The following TECTA variants were observed in gnomAD, a reference collection of about 807,000 sequenced individuals.
TECTA encodes alpha-tectorin.
A neutral mutation model predicts 216.8 loss-of-function variants in TECTA; 128 were observed. That is an observed-to-expected ratio of 0.59 (90% CI 0.51 to 0.68). The LOEUF is 0.68. Ranked by LOEUF, TECTA falls within the 30% of genes least tolerant of loss-of-function variation. TECTA has a pLI of 0.00. For missense variants in TECTA, 2,551 were observed against 2,786.2 expected (o/e 0.92, Z 1.90); for synonymous variants, 1,089 against 1,117.1 (o/e 0.97, Z 0.50).
At chr11:121,134,325 C>CCACACACACACACACACA (rs6144537) in intron 10 of TECTA, among the ~76,000 whole-genome samples, 47,504 of 146,482 alleles carry the variant, frequency 0.32, 8,283 homozygotes, top group African/African-American at 0.46. Flanking sequence ...AAAACCAACA[C>CCACACACACACACACACA]CACACACACA....
intron 11 of TECTA, among the ~76,000 whole-genome samples, chr11:121,140,316 TC>T (rs1946771576): frequency 1.3e-5 from 2 of 152,126 alleles, no homozygotes; most frequent in Admixed American, 6.5e-5. Context: ...AATAACCGAC[TC>T]CCCACTGTCT....
chr11:121,162,036 A>G (rs1437205329), intron 15 of TECTA, 39 bp from the exon 16 acceptor site: 1 of 1,612,368 alleles, frequency 6.2e-7, no homozygotes, highest in Non-Finnish European at 8.5e-7. Context: ...TCCATTGGAG[A>G]TCTCAGATGG....
Position 121,118,510 on chromosome 11 carries a change from C to A in TECTA, c.995C>A (p.Thr332Asn), listed in dbSNP as rs759555400. The change falls in exon 7 of 24, where the codon ACT becomes AAT. Residue 332 changes from threonine (T) to asparagine (N), a missense_variant. By Grantham distance (65) the Thr-to-Asn change is moderately conservative. This residue lies in a region of TECTA where 2,375 missense variants were observed against 2,563.9 expected (regional missense o/e 0.93). Transcript: ENST00000392793. Reference protein sequence around the residue: ...CVVFGEPHYHTFDGFLFHFQG... With the variant: ...CVVFGEPHYHNFDGFLFHFQG... Reference sequence around the variant, plus strand: ...GTGTTTGGGGAGCCACACTACCACACTTTTGACGGCTTCCTCTTCCACTTC... The same window carrying A: ...GTGTTTGGGGAGCCACACTACCACAATTTTGACGGCTTCCTCTTCCACTTC... 6.2e-7 allele frequency: 1 copy of A among 1,614,086 alleles called. No individual in the cohort carries two copies. Among genetic ancestry groups the A allele is most frequent in the Admixed American group, 1.7e-5 (1 of 60,012 alleles).
At chr11:121,170,232 AT>A (rs1196443873) in intron 20 of TECTA, among the ~76,000 whole-genome samples, 14 of 152,118 alleles carry the variant, frequency 9.2e-5, no homozygotes, top group Non-Finnish European at 1.6e-4. Context: ...TATATATCAC[AT>A]TTTCTTTATC....
In TECTA at chr11:121,130,919, A is replaced by G. The variant is rs140233016; in HGVS notation, c.2941+708A>G. On this transcript the variant is annotated intron_variant, in intron 10 of 23. Transcript: ENST00000392793. ...CCACACCAAAGCCAAGGCCACCATT[A>G]AGATTCCATCCCCGGCCGGGCATGG... Among the ~76,000 whole-genome samples the G allele has an allele frequency of 5.0e-3, 752 of 151,526 alleles. 6 individuals are homozygous for G. Among genetic ancestry groups the G allele is most frequent in the Middle Eastern group, 0.024 (7 of 292 alleles).
At chr11:121,112,622 G>A (rs1411425616) in intron 4 of TECTA, among the ~76,000 whole-genome samples, 1 of 152,162 alleles carries the variant, frequency 6.6e-6, no homozygotes, top group African/African-American at 2.4e-5. Context: ...AGCGCAATCC[G>A]CATGGCCACT....
chr11:121,118,778 G>A lies in TECTA; in HGVS notation c.1203+60G>A, dbSNP rs184555406. 1.3e-5 allele frequency: 21 copies of A among 1,597,966 alleles called. No individual in the cohort carries two copies. The African/African-American group carries it at 1.9e-4, about 14-fold the overall frequency. On this transcript the variant is annotated intron_variant, in intron 7 of 23. Coordinates refer to ENST00000392793, the MANE Select transcript of TECTA (RefSeq NM_005422.4). ...GAAGCTGGAGATTCTTCAGCCTAGG[G>A]AAGACTTCCCCAGATCTACTGGTTC...
At chr11:121,106,110 C>A in intron 3 of TECTA, 146 bp downstream of exon 3, 1 of 1,267,922 alleles carries the variant, frequency 7.9e-7, no homozygotes, top group South Asian at 1.2e-5. Context: ...ATTTCATGAG[C>A]TGATAGGTTT....
intron 7 of TECTA, among the ~76,000 whole-genome samples, chr11:121,122,576 C>G (rs1368046682): frequency 2.7e-5 from 4 of 148,654 alleles, no homozygotes; most frequent in Middle Eastern, 3.5e-3. Context: ...CGTCTCACAC[C>G]TATAATCCCA....
intron 6 of TECTA, among the ~76,000 whole-genome samples, chr11:121,117,904 T>G (rs1327610161): frequency 1.3e-5 from 2 of 152,228 alleles, no homozygotes; most frequent in African/African-American, 4.8e-5. Flanking sequence ...CAGTGAGTGT[T>G]GCCGAGTAAC....
rs1461605794 is a variant in TECTA at position 121,127,649 on chromosome 11, ACTCT to A, written c.1775-102_1775-99del. On this transcript the variant is annotated intron_variant, in intron 8 of 23. Coordinates refer to ENST00000392793, the MANE Select transcript of TECTA (RefSeq NM_005422.4). The surrounding 1 kb of genome is among the most constrained non-coding windows in gnomAD (Gnocchi z 5.0). ...TTCCCCGAGTGGCCGCTTGACCCTC[ACTCT>A]AGGAACTAAATGATCCAGGAGGAGC... 2.1e-5 allele frequency: 29 copies of A among 1,387,114 alleles called. No homozygotes were observed. Among genetic ancestry groups the A allele is most frequent in the Non-Finnish European group, 3.0e-5 (29 of 977,262 alleles). The allele number at this position is 1,387,114 out of a possible 1,614,324, so 85.9% of individuals were successfully genotyped here.
intron 3 of TECTA, among the ~76,000 whole-genome samples, chr11:121,108,061 T>G (rs116512345): frequency 0.013 from 1,989 of 152,100 alleles, 53 homozygotes; most frequent in African/African-American, 0.045. Context: ...GAGACTGGAG[T>G]TGGATGAAGG....
In TECTA at chr11:121,162,157, G is replaced by A; in HGVS notation, c.5059G>A (p.Gly1687Ser). ...CAATGTGCACATCCAGAAGATGCAG[G>A]GTGATGGCTACTGCCTGAAGCTCAC... ...CDNVHIQKMQ[G>S]DGYCLKLTDM... The change falls in exon 16 of 24, where the codon GGT becomes AGT. Residue 1687 changes from glycine to serine, a missense_variant. Physicochemically the swap from Gly to Ser is moderately conservative, Grantham distance 56 (BLOSUM62 0). Transcript: ENST00000392793. The A allele has an allele frequency of 1.2e-6, 2 of 1,614,180 alleles. No homozygotes were observed. Among genetic ancestry groups the A allele is most frequent in the Non-Finnish European group, 1.7e-6 (2 of 1,180,052 alleles).
intron 3 of TECTA, among the ~76,000 whole-genome samples, chr11:121,108,810 CACAA>C (rs1463985682): frequency 8.5e-5 from 7 of 82,132 alleles, no homozygotes; most frequent in Non-Finnish European, 1.4e-4. Flanking sequence ...CACCTCAGTA[CACAA>C]ACACACACTC....
chr11:121,118,847 C>A, intron 7 of TECTA, 129 bp downstream of exon 7: 2 of 1,242,928 alleles, frequency 1.6e-6, no homozygotes, highest in Non-Finnish European at 2.3e-6. Context: ...CACAGCTCTC[C>A]CCGCCTTGCA....
chr11:121,169,290 C>T (rs912422851), intron 20 of TECTA, among the ~76,000 whole-genome samples: 2 of 152,188 alleles, frequency 1.3e-5, no homozygotes, highest in Middle Eastern at 3.2e-3. Context: ...ACAATAACCA[C>T]AGGTTAATGA....
chr11:121,160,500 G>A (rs1946988539), intron 15 of TECTA, 79 bp downstream of exon 15: 1 of 1,576,860 alleles, frequency 6.3e-7, no homozygotes, highest in Non-Finnish European at 8.6e-7. Flanking sequence ...AATGAGGAAT[G>A]CCTTTTCCTT....
rs1233716966 is a variant in TECTA, at chr11:121,153,226, A to G, written c.4305+146A>G. On this transcript the variant is annotated intron_variant, in intron 13 of 23. Coordinates refer to ENST00000392793, the MANE Select transcript of TECTA (RefSeq NM_005422.4). ...CAGGGGAATGGGATGGGGGGTAGAG[A>G]GGCTAAGCACACTGTTCAGGTGATG... 3.1e-6 allele frequency: 3 copies of G among 974,510 alleles called. No individual in the cohort carries two copies. The African/African-American group carries it at 5.3e-5, about 17-fold the overall frequency. 60.4% of individuals were successfully genotyped at this position (974,510 alleles called of 1,614,324 possible). A position where few individuals can be genotyped will look rare whatever the true frequency, so the allele number is the denominator to read the frequency against.
chr11:121,112,987 G>A, intron 4 of TECTA, 85 bp from the exon 5 acceptor site: 1 of 1,564,136 alleles, frequency 6.4e-7, no homozygotes, highest in Non-Finnish European at 8.7e-7. Flanking sequence ...TGGGTGGGGA[G>A]GGCGCAGGGT....
Sources: gnomAD v4.1 joint callset for allele counts (sites outside exome capture counted in the v4.1 genomes callset) on GRCh38, gnomAD v4.1.1 for gene constraint, gnomAD v4.1.1 regional missense constraint, Gnocchi (gnomAD v3.1) non-coding constraint, MANE v1.5 for transcripts, NCBI Gene and HGNC (gene_info 2026-07-23, HGNC 2026-07-21) for gene names.